Variants in PTPRD observed in about 807,000 individuals in gnomAD.
PTPRD encodes receptor-type tyrosine-protein phosphatase delta.
A neutral mutation model predicts 214.5 loss-of-function variants in PTPRD; 34 were observed. That is an observed-to-expected ratio of 0.16 (90% CI 0.12 to 0.21). The LOEUF is 0.21. Among genes scored for constraint, PTPRD ranks in the 10% least tolerant of loss-of-function variants. The pLI is 1.00. For missense variants in PTPRD, 2,545 were observed against 2,398.7 expected, an observed-to-expected ratio of 1.06 and a Z score of -1.27; for synonymous variants, 1,128 against 845.7, an observed-to-expected ratio of 1.33 and a Z score of -5.79.
At chr9:9,653,475 TC>T (rs911773943) in intron 7 of PTPRD, among the ~76,000 whole-genome samples, 44 of 151,614 alleles carry the variant, frequency 2.9e-4, no homozygotes, top group African/African-American at 9.9e-4. Flanking sequence ...TATATTTTTT[TC>T]AAAATGCAAA....
intron 2 of PTPRD, among the ~76,000 whole-genome samples, chr9:10,491,754 T>C (rs1013546538): frequency 1.8e-4 from 27 of 152,088 alleles, no homozygotes; most frequent in African/African-American, 6.5e-4. Context: ...GGGATATATG[T>C]GCAGAACATG....
At chr9:9,236,066 C>A (rs1399808504) in intron 9 of PTPRD, among the ~76,000 whole-genome samples, 1 of 151,998 alleles carries the variant, frequency 6.6e-6, no homozygotes, top group Non-Finnish European at 1.5e-5. Context: ...GAGTTCAAGA[C>A]CAGCCTGGCC....
At chr9:9,346,240 A>G (rs1281627458) in intron 9 of PTPRD, among the ~76,000 whole-genome samples, 1 of 152,344 alleles carries the variant, frequency 6.6e-6, no homozygotes, top group East Asian at 1.9e-4. Flanking sequence ...ATCATAGAAA[A>G]AAGATTCTTC....
chr9:10,056,085 G>A lies in PTPRD; in HGVS notation c.-544-22295C>T, dbSNP rs570206343. On this transcript the variant is annotated intron_variant, in intron 3 of 45. Transcript: ENST00000381196. ...CACCTGTAATTCTAGCACTTGGGGA[G>A]GCCGAGGTGAGCGGACCATGAGGTC... Among the ~76,000 whole-genome samples the A allele has an allele frequency of 1.5e-4, 23 of 151,878 alleles. No individual in the cohort carries two copies. In the East Asian group the frequency reaches 4.5e-3, roughly 29 times the overall value.
chr9:10,126,258 T>C (rs2098818289), intron 3 of PTPRD, among the ~76,000 whole-genome samples: 1 of 152,156 alleles, frequency 6.6e-6, no homozygotes, highest in African/African-American at 2.4e-5. Context: ...CACCTAGTTT[T>C]ATACGACATG....
intron 9 of PTPRD, among the ~76,000 whole-genome samples, chr9:9,195,697 C>T (rs892980340): frequency 2.1e-4 from 30 of 145,878 alleles, no homozygotes; most frequent in African/African-American, 7.4e-4. Flanking sequence ...TGTTCCTCAG[C>T]CATCAACATT....
At chr9:8,656,392 C>A (rs1356944258) in intron 12 of PTPRD, among the ~76,000 whole-genome samples, 2 of 152,158 alleles carry the variant, frequency 1.3e-5, no homozygotes, top group African/African-American at 2.4e-5. Flanking sequence ...TGGGTGAAAT[C>A]TTTTCTAATC....
chr9:9,789,728 C>A (rs962856164), intron 5 of PTPRD, among the ~76,000 whole-genome samples: 12 of 132,270 alleles, frequency 9.1e-5, no homozygotes, highest in South Asian at 2.5e-4. Flanking sequence ...ACCTGGGAGG[C>A]AGAGCTTGCA....
In PTPRD at chr9:9,137,718, C is replaced by T. The variant is rs1308712624; in HGVS notation, c.-143+45586G>A. Among the ~76,000 whole-genome samples the T allele has an allele frequency of 7.2e-5, 11 of 152,076 alleles. No individual in the cohort carries two copies. The South Asian group carries it at 8.3e-4, about 11-fold the overall frequency. On this transcript the variant is annotated intron_variant, in intron 10 of 45. Transcript: ENST00000381196. Reference sequence around the variant, plus strand: ...TAATCATTACTGTACTCTCACAGGACATTGTACTTTGCTTAAAAGTGTTTC... The same window carrying T: ...TAATCATTACTGTACTCTCACAGGATATTGTACTTTGCTTAAAAGTGTTTC...
chr9:10,048,666 G>A (rs1332637868), intron 3 of PTPRD, among the ~76,000 whole-genome samples: 1 of 152,020 alleles, frequency 6.6e-6, no homozygotes, highest in Non-Finnish European at 1.5e-5. Context: ...ACCTCAGCAT[G>A]CAAGGCAAGG....
intron 9 of PTPRD, among the ~76,000 whole-genome samples, chr9:9,281,856 T>C (rs1323920552): frequency 6.6e-6 from 1 of 151,082 alleles, no homozygotes; most frequent in Non-Finnish European, 1.5e-5. Context: ...GCAATCAAGA[T>C]ACCCTACGGT....
At chr9:10,205,707 C>A (rs1275711310) in intron 3 of PTPRD, among the ~76,000 whole-genome samples, 1 of 151,952 alleles carries the variant, frequency 6.6e-6, no homozygotes, top group Admixed American at 6.6e-5. Flanking sequence ...GCCCGGCCTG[C>A]TTCATCAGCC....
At chr9:9,125,488 T>C (rs2099828959) in intron 10 of PTPRD, among the ~76,000 whole-genome samples, 1 of 152,214 alleles carries the variant, frequency 6.6e-6, no homozygotes, top group Non-Finnish European at 1.5e-5. Context: ...CTCACAGTGC[T>C]GCAATTGTCT....
chr9:9,478,491 T>C (rs2035736478), intron 8 of PTPRD, among the ~76,000 whole-genome samples: 1 of 152,172 alleles, frequency 6.6e-6, no homozygotes, highest in Non-Finnish European at 1.5e-5. Flanking sequence ...ACAAACTTCA[T>C]TCTGAAAATG....
chr9:10,004,709 T>C (rs767958977), intron 4 of PTPRD, among the ~76,000 whole-genome samples: 9 of 152,082 alleles, frequency 5.9e-5, no homozygotes, highest in Non-Finnish European at 1.0e-4. Context: ...AATAGTGTCA[T>C]AATTTTATAA....
chr9:9,657,720 G>T (rs1467575057), intron 7 of PTPRD, among the ~76,000 whole-genome samples: 1 of 152,152 alleles, frequency 6.6e-6, no homozygotes, highest in Non-Finnish European at 1.5e-5. Context: ...CAAGATTGAA[G>T]AAATATAAAG....
intron 9 of PTPRD, among the ~76,000 whole-genome samples, chr9:9,296,266 C>T (rs548765635): frequency 6.6e-6 from 1 of 151,796 alleles, no homozygotes; most frequent in Admixed American, 6.6e-5. Flanking sequence ...CTTTATATCT[C>T]CTTGGGACAA....
chr9:9,555,487 AAC>A (rs2081298625), intron 8 of PTPRD, among the ~76,000 whole-genome samples: 2 of 152,060 alleles, frequency 1.3e-5, no homozygotes, highest in Non-Finnish European at 2.9e-5. Context: ...CAACTCTGGA[AAC>A]ACACACACAT....
intron 3 of PTPRD, among the ~76,000 whole-genome samples, chr9:10,297,288 T>C (rs1026012563): frequency 6.6e-6 from 1 of 151,902 alleles, no homozygotes; most frequent in African/African-American, 2.4e-5. Flanking sequence ...ATTATTTTTT[T>C]AAGTATTTGA....
Sources: allele counts gnomAD v4.1 joint callset (sites outside exome capture counted in the v4.1 genomes callset), GRCh38; gene constraint gnomAD v4.1.1; transcripts MANE v1.5; gene names NCBI Gene and HGNC (gene_info 2026-07-23, HGNC 2026-07-21).